Variants in AIG1 observed in about 807,000 individuals in gnomAD.
The protein encoded by AIG1 is androgen-induced gene 1 protein.
A neutral mutation model predicts 31.4 loss-of-function variants in AIG1; 23 were observed. The ratio of observed to expected loss-of-function variants is 0.73; its 90% CI spans 0.53 to 1.04. AIG1 has a LOEUF of 1.04. AIG1 is among the 50% of genes least tolerant of loss of function. The pLI is 0.00. For synonymous variants in AIG1, 100 were observed against 110.5 expected (o/e 0.90, Z 0.60); for missense variants, 274 against 295.0 (o/e 0.93, Z 0.52).
chr6:143,314,434 A>G (rs912399851), intron 4 of AIG1, among the ~76,000 whole-genome samples: 1 of 152,238 alleles, frequency 6.6e-6, no homozygotes, highest in South Asian at 2.1e-4. Flanking sequence ...AGACAATCCC[A>G]AATAATTAAT....
intron 3 of AIG1, among the ~76,000 whole-genome samples, chr6:143,273,101 T>C (rs897804057): frequency 1.3e-5 from 2 of 152,146 alleles, no homozygotes; most frequent in Non-Finnish European, 2.9e-5. Flanking sequence ...TGCACTCCAG[T>C]CTGGGCGACA....
At chr6:143,076,829 G>A (rs572130764) in intron 1 of AIG1, among the ~76,000 whole-genome samples, 4 of 151,956 alleles carry the variant, frequency 2.6e-5, no homozygotes, top group South Asian at 2.1e-4. Flanking sequence ...CTACCACCAC[G>A]CCCGGCTAAT....
intron 4 of AIG1, among the ~76,000 whole-genome samples, chr6:143,290,118 A>G (rs908054629): frequency 1.3e-5 from 2 of 152,088 alleles, no homozygotes; most frequent in Non-Finnish European, 2.9e-5. Context: ...GCATATATGT[A>G]TGGGTCTGCA....
At chr6:143,286,703 T>G (rs1160722605) in intron 4 of AIG1, among the ~76,000 whole-genome samples, 1 of 152,134 alleles carries the variant, frequency 6.6e-6, no homozygotes, top group East Asian at 1.9e-4. Flanking sequence ...AAAGCATTCC[T>G]CTCATCACAT....
In AIG1 at chr6:143,291,688, T is replaced by C. The variant is rs1798071032; in HGVS notation, c.515+7463T>C. ...TTCTACTTCAGGGTCTTAGAGTGCA[T>C]GGAATAAATAAGTAAACCCCCCTCC... On this transcript the variant is annotated intron_variant, in intron 4 of 5. Coordinates refer to ENST00000357847, the MANE Select transcript of AIG1 (RefSeq NM_016108.4). This position sits in a 1 kb window ranked among gnomAD's most constrained non-coding sequence, Gnocchi z 4.2. Among the ~76,000 whole-genome samples the C allele has an allele frequency of 6.6e-6, 1 of 152,130 alleles. No individual in the cohort carries two copies. The highest frequency in any genetic ancestry group is 1.5e-5 in the Non-Finnish European group (1 of 68,022).
At chr6:143,113,851 T>G (rs574830997) in intron 1 of AIG1, among the ~76,000 whole-genome samples, 1 of 151,958 alleles carries the variant, frequency 6.6e-6, no homozygotes, top group African/African-American at 2.4e-5. Flanking sequence ...CTCGGCTCAC[T>G]GCAAGCTCTG....
rs576574399 is a variant in AIG1, at chr6:143,287,861, A to G, written c.515+3636A>G. On this transcript the variant is annotated intron_variant, in intron 4 of 5. Coordinates refer to ENST00000357847, the MANE Select transcript of AIG1 (RefSeq NM_016108.4). ...TCAAGGCTTGAGAATTTTAGTTACC[A>G]TAAGTGTTTTCTCTTCTTTTTACTC... Among the ~76,000 whole-genome samples, 20 of 152,098 alleles carry G rather than the reference A, an allele frequency of 1.3e-4. No homozygotes were observed. In the East Asian group the frequency reaches 2.9e-3, roughly 22 times the overall value.
At chr6:143,069,213 C>T (rs944613940) in intron 1 of AIG1, among the ~76,000 whole-genome samples, 7 of 152,084 alleles carry the variant, frequency 4.6e-5, no homozygotes, top group Admixed American at 2.0e-4. Flanking sequence ...GACGGGGTTT[C>T]GCCATGTTGC....
intron 1 of AIG1, among the ~76,000 whole-genome samples, chr6:143,069,581 TTA>T (rs1160460543): frequency 6.6e-6 from 1 of 152,194 alleles, no homozygotes; most frequent in African/African-American, 2.4e-5. Flanking sequence ...ACTGAAGTTG[TTA>T]ATTATCTTTT....
chr6:143,077,576 T>C (rs1777847837), intron 1 of AIG1, among the ~76,000 whole-genome samples: 1 of 152,252 alleles, frequency 6.6e-6, no homozygotes, highest in Non-Finnish European at 1.5e-5. Flanking sequence ...CATTGTGCTC[T>C]TAAAGGCATA....
intron 1 of AIG1, among the ~76,000 whole-genome samples, chr6:143,076,731 G>T (rs1777765387): frequency 6.8e-6 from 1 of 147,188 alleles, no homozygotes; most frequent in Non-Finnish European, 1.5e-5. Flanking sequence ...GTAGTGCAGT[G>T]GCACGATCTC....
intron 3 of AIG1, among the ~76,000 whole-genome samples, chr6:143,237,037 A>G (rs1254445400): frequency 1.3e-5 from 2 of 152,182 alleles, no homozygotes; most frequent in Non-Finnish European, 2.9e-5. Context: ...ATAACTTACA[A>G]TGAGTATGCT....
At chr6:143,265,267 G>A (rs1000867543) in intron 3 of AIG1, among the ~76,000 whole-genome samples, 2 of 152,192 alleles carry the variant, frequency 1.3e-5, no homozygotes, top group East Asian at 1.9e-4. Flanking sequence ...GAAGTTGGTT[G>A]TGCTGAGCCA....
At chr6:143,064,940 T>C (rs1000070958) in intron 1 of AIG1, among the ~76,000 whole-genome samples, 3 of 152,110 alleles carry the variant, frequency 2.0e-5, no homozygotes, top group African/African-American at 7.2e-5. Flanking sequence ...AGGGGTTGCT[T>C]TATAGAAGTT....
At chr6:143,188,010 A>T in intron 3 of AIG1, 1 of 1,125,842 alleles carries the variant, frequency 8.9e-7, no homozygotes. Flanking sequence ...GAACTTTGGC[A>T]TACCACTTTT....
At chr6:143,114,889 G>C (rs533852132) in intron 1 of AIG1, among the ~76,000 whole-genome samples, 1 of 152,316 alleles carries the variant, frequency 6.6e-6, no homozygotes, top group African/African-American at 2.4e-5. Context: ...GTCCTGGCTC[G>C]TGGAGTTGTT....
chr6:143,318,981 G>C, intron 4 of AIG1, among the ~76,000 whole-genome samples: 1 of 152,096 alleles, frequency 6.6e-6, no homozygotes, highest in East Asian at 1.9e-4. Context: ...AATAATAGAT[G>C]TTGGCCTGGA....
At position 143,239,914 on chromosome 6, in the gene AIG1, G is replaced by A. The variant is rs977405391; in HGVS notation, c.400-44196G>A. 5.3e-5 allele frequency among the ~76,000 whole-genome samples: 8 copies of A among 152,324 alleles called. No individual in the cohort carries two copies. The East Asian group carries it at 1.5e-3, about 29-fold the overall frequency. On this transcript the variant is annotated intron_variant, in intron 3 of 5. Coordinates refer to ENST00000357847, the MANE Select transcript of AIG1 (RefSeq NM_016108.4). ...AACTTGTGAAATGTGGCAACAGGCA[G>A]AAAAGCAGAGGCCAAATAGCTCCCT...
intron 1 of AIG1, among the ~76,000 whole-genome samples, chr6:143,083,920 G>A (rs1392611783): frequency 6.6e-6 from 1 of 152,130 alleles, no homozygotes; most frequent in Non-Finnish European, 1.5e-5. Flanking sequence ...TTGCTAGAAT[G>A]TCCTCTCTAA....
Sources: gnomAD v4.1 joint callset for allele counts (sites outside exome capture counted in the v4.1 genomes callset) on GRCh38, gnomAD v4.1.1 for gene constraint, Gnocchi (gnomAD v3.1) non-coding constraint, MANE v1.5 for transcripts, NCBI Gene and HGNC (gene_info 2026-07-23, HGNC 2026-07-21) for gene names.